The following PCSK5 variants were observed in gnomAD, a reference collection of about 807,000 sequenced individuals.
PCSK5 encodes the protein prohormone convertase 5.
A neutral mutation model predicts 233.2 loss-of-function variants in PCSK5; 129 were observed. The ratio of observed to expected loss-of-function variants is 0.55; its 90% confidence interval spans 0.48 to 0.64. PCSK5 has a LOEUF of 0.64. Ranked by LOEUF, PCSK5 falls within the 30% of genes least tolerant of loss-of-function variation. PCSK5 has a pLI of 0.00. For missense variants in PCSK5, 2,076 were observed against 2,430.1 expected (o/e 0.85, Z 3.06); for synonymous variants, 825 against 879.2 (o/e 0.94, Z 1.09).
intron 9 of PCSK5, among the ~76,000 whole-genome samples, chr9:76,115,524 T>G (rs1170222284): frequency 6.6e-6 from 1 of 152,078 alleles, no homozygotes; most frequent in Non-Finnish European, 1.5e-5. Context: ...TATGTGAGAT[T>G]TAGTATTAAA....
At chr9:75,934,495 A>G (rs1181824025) in intron 2 of PCSK5, among the ~76,000 whole-genome samples, 1 of 151,616 alleles carries the variant, frequency 6.6e-6, no homozygotes, top group Non-Finnish European at 1.5e-5. Context: ...CTTTCAGGGA[A>G]GACCATCCAG....
chr9:76,163,105 C>T (rs1419198093), intron 12 of PCSK5, among the ~76,000 whole-genome samples: 3 of 152,200 alleles, frequency 2.0e-5, no homozygotes, highest in Non-Finnish European at 4.4e-5. Context: ...ACAAAATATA[C>T]GTCCTATCTG....
chr9:76,027,998 T>TA (rs896706994), intron 5 of PCSK5, among the ~76,000 whole-genome samples: 2 of 152,208 alleles, frequency 1.3e-5, no homozygotes, highest in Non-Finnish European at 2.9e-5. Flanking sequence ...TAAGTTTAGA[T>TA]AAAACCATAT....
intron 12 of PCSK5, among the ~76,000 whole-genome samples, chr9:76,165,723 T>C (rs1438118718): frequency 6.6e-6 from 1 of 152,208 alleles, no homozygotes; most frequent in African/African-American, 2.4e-5. Context: ...GATAAAGGCA[T>C]GGAGTTAATG....
Position 76,233,542 on chromosome 9 carries a change from A to G in PCSK5, c.2812A>G (p.Thr938Ala), listed in dbSNP as rs1426914073. 6.2e-7 allele frequency: 1 copy of G among 1,612,130 alleles called. No homozygotes were observed. Among genetic ancestry groups the G allele is most frequent in the African/African-American group, 1.3e-5 (1 of 74,890 alleles). Residue 938 changes from threonine (T) to alanine (A), a missense_variant, in exon 22 of 38, where the codon ACC (threonine) becomes GCC (alanine). By Grantham distance (58) the Thr-to-Ala change is moderately conservative. Around this residue, in one of 6 missense-constraint regions of PCSK5, gnomAD observed 1,510 missense variants for 1,538.1 expected, o/e 0.98. Coordinates refer to ENST00000674117, the MANE Select transcript of PCSK5 (RefSeq NM_001372043.1). ...GAACCAATGCCATCCATGCCACCACACCTGCCAGAGATGCCAAGGAAGTGG... is the reference window on the plus strand; with the variant it reads ...GAACCAATGCCATCCATGCCACCACGCCTGCCAGAGATGCCAAGGAAGTGG... ...FENQCHPCHH[T>A]CQRCQGSGPT...
intron 7 of PCSK5, among the ~76,000 whole-genome samples, chr9:76,078,251 C>A (rs1239656866): frequency 6.6e-6 from 1 of 152,020 alleles, no homozygotes; most frequent in Non-Finnish European, 1.5e-5. Flanking sequence ...TTGATAATTT[C>A]TTTTGCTGTG....
intron 20 of PCSK5, among the ~76,000 whole-genome samples, chr9:76,226,514 C>A (rs1825897076): frequency 6.6e-6 from 1 of 152,120 alleles, no homozygotes; most frequent in Non-Finnish European, 1.5e-5. Context: ...GTCCTGCTAT[C>A]TCACCCCACC....
intron 17 of PCSK5, among the ~76,000 whole-genome samples, chr9:76,186,548 G>A (rs1315059928): frequency 6.6e-6 from 1 of 152,144 alleles, no homozygotes; most frequent in Non-Finnish European, 1.5e-5. Context: ...AATACCAAGT[G>A]CATTAGCCTC....
At chr9:76,289,496 CACACACACACACACGCAACAT>C (rs1420307778) in intron 24 of PCSK5, among the ~76,000 whole-genome samples, 12 of 135,026 alleles carry the variant, frequency 8.9e-5, no homozygotes, top group African/African-American at 2.3e-4. Flanking sequence ...CACACACACA[CACACACACACACACGCAACAT>C]ACACACACAC....
chr9:76,096,456 G>A (rs1326612026), intron 8 of PCSK5, among the ~76,000 whole-genome samples: 6 of 152,040 alleles, frequency 3.9e-5, no homozygotes, highest in Non-Finnish European at 5.9e-5. Flanking sequence ...CTGTGTTTCC[G>A]CACCGACTTT....
chr9:76,146,466 G>A (rs954179720), intron 10 of PCSK5, among the ~76,000 whole-genome samples: 6 of 151,686 alleles, frequency 4.0e-5, no homozygotes, highest in African/African-American at 1.5e-4. Flanking sequence ...TTAGGGACCA[G>A]ATGTTAAACT....
intron 2 of PCSK5, among the ~76,000 whole-genome samples, chr9:75,985,301 G>A (rs1339200850): frequency 1.3e-5 from 2 of 152,110 alleles, no homozygotes; most frequent in Non-Finnish European, 2.9e-5. Flanking sequence ...CAAGGTTTCT[G>A]GTTACCTTGT....
intron 9 of PCSK5, among the ~76,000 whole-genome samples, chr9:76,127,387 A>G (rs1378364101): frequency 6.6e-6 from 1 of 152,178 alleles, no homozygotes; most frequent in African/African-American, 2.4e-5. Flanking sequence ...CAATTACATC[A>G]ATGGCTAACC....
chr9:75,905,631 G>A (rs898000108), intron 1 of PCSK5, among the ~76,000 whole-genome samples: 5 of 152,120 alleles, frequency 3.3e-5, no homozygotes, highest in African/African-American at 1.2e-4. Flanking sequence ...GGACTGATAC[G>A]GTCCGTGGCC....
intron 22 of PCSK5, among the ~76,000 whole-genome samples, chr9:76,238,437 A>T (rs577011812): frequency 6.6e-6 from 1 of 152,248 alleles, no homozygotes; most frequent in Admixed American, 6.5e-5. Context: ...GCTTGTCATT[A>T]TCGGCATTGG....
At chr9:75,947,693 C>G (rs1273081081) in intron 2 of PCSK5, among the ~76,000 whole-genome samples, 1 of 152,184 alleles carries the variant, frequency 6.6e-6, no homozygotes, top group Non-Finnish European at 1.5e-5. Flanking sequence ...GGATTCCCTT[C>G]TTCAACTCAC....
chr9:76,353,956 T>A lies in PCSK5; in HGVS notation c.5068-77T>A, dbSNP rs578241329. The A allele has an allele frequency of 1.1e-5, 11 of 986,022 alleles. No individual in the cohort carries two copies. In the South Asian group the frequency reaches 1.1e-4, roughly 10 times the overall value. 61.1% of individuals were successfully genotyped at this position (986,022 alleles called of 1,614,324 possible). A position where few individuals can be genotyped will look rare whatever the true frequency, so the allele number is the denominator to read the frequency against. ...CATCTCCCTCCTTATGAAGACAAGA[T>A]GAGATACAATCTGGGAACTCCAGTG... On this transcript the variant is annotated intron_variant, in intron 36 of 37. Transcript: ENST00000674117.
At chr9:76,311,436 C>T (rs899629299) in intron 30 of PCSK5, among the ~76,000 whole-genome samples, 2 of 151,708 alleles carry the variant, frequency 1.3e-5, no homozygotes, top group East Asian at 3.9e-4. Context: ...AAAAGTAAGG[C>T]TGTGATGTGC....
At chr9:76,255,984 A>G (rs1299971086) in intron 24 of PCSK5, among the ~76,000 whole-genome samples, 1 of 152,236 alleles carries the variant, frequency 6.6e-6, no homozygotes, top group Admixed American at 6.5e-5. Context: ...CCACAGACCA[A>G]CCAAATAGTT....
Sources: gnomAD v4.1 joint callset for allele counts (sites outside exome capture counted in the v4.1 genomes callset) on GRCh38, gnomAD v4.1.1 for gene constraint, gnomAD v4.1.1 regional missense constraint, MANE v1.5 for transcripts, NCBI Gene and HGNC (gene_info 2026-07-23, HGNC 2026-07-21) for gene names.